The following LAPTM4B variants were observed in gnomAD, a reference collection of about 807,000 sequenced individuals.
LAPTM4B encodes the protein lysosomal-associated transmembrane protein 4B.
LAPTM4B carries 26 observed loss-of-function variants against 28.5 expected under a neutral mutation model. The observed-to-expected ratio is 0.91, with a 90% CI of 0.67 to 1.27. The LOEUF is 1.27. Among genes scored for constraint, LAPTM4B ranks in the 50% most tolerant of loss-of-function variants. The pLI is 0.00. For synonymous variants in LAPTM4B, 109 were observed against 106.4 expected (o/e 1.02, Z -0.15); for missense variants, 288 against 285.8 (o/e 1.01, Z -0.06).
Position 97,816,064 on chromosome 8 carries a change from G to T in LAPTM4B, c.292G>T (p.Ala98Ser), listed in dbSNP as rs143973430. 90 of 1,609,806 alleles carry T rather than the reference G, an allele frequency of 5.6e-5. No homozygotes were observed. In the African/African-American group the frequency reaches 1.1e-3, roughly 20 times the overall value. The stretch of plus-strand genomic sequence containing the variant: ...TATTTTCTGTTCTGTTTAGCAACGC[G>T]CAGCCTGGATCATCCCATTCTTCTG... ...MATYGAYKQR[A>S]AWIIPFFCYQ... The change falls in exon 4 of 7, where the codon GCA becomes TCA. Residue 98 changes from alanine to serine, a missense_variant. Coordinates refer to ENST00000521545, the MANE Select transcript of LAPTM4B (RefSeq NM_018407.6).
At chr8:97,841,079 G>T (rs900139875) in intron 6 of LAPTM4B, among the ~76,000 whole-genome samples, 13 of 112,670 alleles carry the variant, frequency 1.2e-4, no homozygotes, top group Admixed American at 1.1e-3. Flanking sequence ...GGGGAGCTGG[G>T]TAGAGGTGCT....
At chr8:97,781,940 A>G (rs1816326470) in intron 1 of LAPTM4B, among the ~76,000 whole-genome samples, 1 of 151,548 alleles carries the variant, frequency 6.6e-6, no homozygotes, top group African/African-American at 2.4e-5. Flanking sequence ...GGCTATTATA[A>G]ATAAAGCTGC....
intron 6 of LAPTM4B, among the ~76,000 whole-genome samples, chr8:97,835,425 T>G (rs1384964157): frequency 6.6e-6 from 1 of 152,200 alleles, no homozygotes; most frequent in Non-Finnish European, 1.5e-5. Flanking sequence ...TCCTCCAGTT[T>G]CCCAGCTAAA....
intron 6 of LAPTM4B, among the ~76,000 whole-genome samples, chr8:97,837,195 C>CT (rs55645609): frequency 0.019 from 2,559 of 136,950 alleles, 62 homozygotes; most frequent in African/African-American, 0.051. Context: ...CCTCCTGCCA[C>CT]TTTTTTTTTT....
chr8:97,814,992 G>A (rs140469430), intron 2 of LAPTM4B, among the ~76,000 whole-genome samples: 4 of 152,202 alleles, frequency 2.6e-5, no homozygotes, highest in South Asian at 2.1e-4. Context: ...GCACCTGGCC[G>A]GAGTTTTTAT....
At chr8:97,779,489 A>T (rs1816275726) in intron 1 of LAPTM4B, among the ~76,000 whole-genome samples, 1 of 151,946 alleles carries the variant, frequency 6.6e-6, no homozygotes, top group Admixed American at 6.6e-5. Context: ...TCTCAAAAAA[A>T]GAAAAAAAAA....
chr8:97,827,120 G>A (rs539202061), intron 6 of LAPTM4B, among the ~76,000 whole-genome samples: 6 of 152,298 alleles, frequency 3.9e-5, no homozygotes, highest in African/African-American at 1.2e-4. Flanking sequence ...GAAAGAGGAG[G>A]CGATACATAG....
chr8:97,837,782 A>G (rs1414823669), intron 6 of LAPTM4B, among the ~76,000 whole-genome samples: 1 of 135,352 alleles, frequency 7.4e-6, no homozygotes, highest in Non-Finnish European at 1.7e-5. Context: ...GAGAAAGAAG[A>G]TTCTTCAGGA....
chr8:97,808,777 G>A (rs1407073232), intron 2 of LAPTM4B, among the ~76,000 whole-genome samples: 1 of 152,024 alleles, frequency 6.6e-6, no homozygotes, highest in Non-Finnish European at 1.5e-5. Flanking sequence ...TGGCCAACAT[G>A]GCAAAACCCT....
intron 1 of LAPTM4B, among the ~76,000 whole-genome samples, chr8:97,782,696 A>G (rs1434676812): frequency 6.7e-6 from 1 of 149,022 alleles, no homozygotes; most frequent in Non-Finnish European, 1.5e-5. Context: ...TCGGCCTCCC[A>G]AAGTGCTGGG....
chr8:97,781,563 C>T lies in LAPTM4B; in HGVS notation c.99+5455C>T, dbSNP rs1816321339. 2.0e-5 allele frequency among the ~76,000 whole-genome samples: 3 copies of T among 152,298 alleles called. No individual in the cohort carries two copies. In the South Asian group the frequency reaches 6.2e-4, roughly 32 times the overall value. ...ACAGTGCTGGGATTACAGGCGTGAG[C>T]CACCGTGCCCGGCAAAATTCACAGT... On this transcript the variant is annotated intron_variant, in intron 1 of 6. Coordinates refer to ENST00000521545, the MANE Select transcript of LAPTM4B (RefSeq NM_018407.6).
intron 1 of LAPTM4B, among the ~76,000 whole-genome samples, chr8:97,780,298 G>A (rs200742573): frequency 5.3e-5 from 8 of 151,730 alleles, no homozygotes; most frequent in Non-Finnish European, 1.0e-4. Flanking sequence ...GTGGTGGCAC[G>A]TGCCTGTAAC....
intron 2 of LAPTM4B, among the ~76,000 whole-genome samples, chr8:97,814,588 T>C (rs1420101342): frequency 6.6e-6 from 1 of 152,010 alleles, no homozygotes; most frequent in Non-Finnish European, 1.5e-5. Flanking sequence ...ATGGCTGTCT[T>C]AGAGCAAGCA....
chr8:97,826,044 G>C (rs1056273958), intron 6 of LAPTM4B, among the ~76,000 whole-genome samples: 1 of 152,120 alleles, frequency 6.6e-6, no homozygotes, highest in African/African-American at 2.4e-5. Context: ...CTGGTGACTT[G>C]CTCACTCTGA....
Position 97,803,248 on chromosome 8 carries a change from A to T in LAPTM4B, c.100-2105A>T, listed in dbSNP as rs566010371. Among the ~76,000 whole-genome samples, 8 of 152,062 alleles carry T rather than the reference A, an allele frequency of 5.3e-5. No individual in the cohort carries two copies. The South Asian group carries it at 1.7e-3, about 32-fold the overall frequency. On this transcript the variant is annotated intron_variant, in intron 1 of 6. Coordinates refer to ENST00000521545, the MANE Select transcript of LAPTM4B (RefSeq NM_018407.6). ...TCGAATCCTACAATAATCCTGAAATAACCAATTGGGATTGTCATTTAAAAA... is the reference window on the plus strand; with the variant it reads ...TCGAATCCTACAATAATCCTGAAATTACCAATTGGGATTGTCATTTAAAAA...
chr8:97,805,092 A>AG (rs1024228375), intron 1 of LAPTM4B, among the ~76,000 whole-genome samples: 2 of 152,166 alleles, frequency 1.3e-5, no homozygotes, highest in Non-Finnish European at 2.9e-5. Context: ...TGCCTGGGCC[A>AG]GGGGGAATGA....
At chr8:97,848,404 A>AT (rs112402864) in intron 6 of LAPTM4B, among the ~76,000 whole-genome samples, 28,895 of 150,240 alleles carry the variant, frequency 0.19, 2,997 homozygotes, top group African/African-American at 0.28. Context: ...TTGCAGCACC[A>AT]TTTTTTTTTT....
intron 6 of LAPTM4B, among the ~76,000 whole-genome samples, chr8:97,842,876 T>C (rs1817373829): frequency 6.9e-6 from 1 of 145,774 alleles, no homozygotes; most frequent in South Asian, 2.2e-4. Context: ...TGCTCCCTTA[T>C]ATAATATCTT....
At chr8:97,822,967 G>A (rs943620620) in intron 5 of LAPTM4B, among the ~76,000 whole-genome samples, 2 of 151,236 alleles carry the variant, frequency 1.3e-5, no homozygotes, top group African/African-American at 2.4e-5. Flanking sequence ...TCAGCCTCCC[G>A]AGTAGTTGGG....
Sources: gnomAD v4.1 joint callset for allele counts (sites outside exome capture counted in the v4.1 genomes callset) on GRCh38, gnomAD v4.1.1 for gene constraint, MANE v1.5 for transcripts, NCBI Gene and HGNC (gene_info 2026-07-23, HGNC 2026-07-21) for gene names.